THOC2: variants seen among roughly 807,000 people sequenced by gnomAD.
THOC2 encodes THO complex 2.
In THOC2, 10 loss-of-function variants were observed where a neutral mutation model predicts 128.4. The ratio of observed to expected loss-of-function variants is 0.08; its 90% confidence interval spans 0.05 to 0.13. The LOEUF is 0.13. THOC2 is among the 10% of genes least tolerant of loss of function. The pLI is 1.00. For missense variants in THOC2, 535 were observed against 1,155.7 expected, an observed-to-expected ratio of 0.46 and a Z score of 7.79; for synonymous variants, 393 against 396.9, an observed-to-expected ratio of 0.99 and a Z score of 0.12.
intron 1 of THOC2, among the ~76,000 whole-genome samples, chrX:123,713,978 G>A (rs1308431946): frequency 9.0e-6 from 1 of 111,469 alleles, no homozygotes; most frequent in Non-Finnish European, 1.9e-5. Flanking sequence ...GACAACAGAG[G>A]AATATATTAA....
At chrX:123,645,196 C>T (rs2147704928) in intron 13 of THOC2, 138 bp downstream of exon 13, 1 of 467,458 alleles carries the variant, frequency 2.1e-6, no homozygotes, top group Non-Finnish European at 3.4e-6. Context: ...TTGCATATGC[C>T]GCCAAAAACT....
chrX:123,696,821 G>A lies in THOC2; in HGVS notation c.367C>T (p.Leu123=). 3.3e-6 allele frequency: 4 copies of A among 1,195,637 alleles called. No individual in the cohort carries two copies. Among genetic ancestry groups the A allele is most frequent in the Non-Finnish European group, 4.5e-6 (4 of 886,352 alleles). ...ACLYLVSDTV[L]KERLDPETLE... is the part of the protein sequence containing the mutation. ...GTTTCTGGATCCAGGCGTTCCTTTA[G>A]AACTGTGTCTGAAACTAAATACTGT... Residue 123 remains leucine (L), a synonymous_variant, in exon 6 of 39, where the codon CTA becomes TTA. Transcript: ENST00000245838.
chrX:123,652,104 CG>C (rs2048383079), intron 12 of THOC2, among the ~76,000 whole-genome samples: 1 of 111,445 alleles, frequency 9.0e-6, no homozygotes, highest in Admixed American at 9.5e-5. Flanking sequence ...GGCTTCATCC[CG>C]GGGATGCAAG....
intron 29 of THOC2, 67 bp downstream of exon 29, chrX:123,623,038 T>C (rs1404816139): frequency 1.9e-6 from 2 of 1,066,133 alleles, no homozygotes; most frequent in Non-Finnish European, 1.3e-6. Flanking sequence ...ACTCGTTCTG[T>C]GATACAAAAC....
chrX:123,709,232 T>G (rs1320366198), intron 2 of THOC2, among the ~76,000 whole-genome samples: 3 of 112,146 alleles, frequency 2.7e-5, no homozygotes, highest in Non-Finnish European at 5.6e-5. Context: ...CTTATAGTTA[T>G]CTACAAAAAA....
intron 19 of THOC2, among the ~76,000 whole-genome samples, chrX:123,635,147 C>A (rs1248197620): frequency 9.0e-6 from 1 of 110,590 alleles, no homozygotes; most frequent in Non-Finnish European, 1.9e-5. Flanking sequence ...ATATAAGTAC[C>A]AATGAAACAG....
chrX:123,657,621 G>A (rs938918417), intron 12 of THOC2, among the ~76,000 whole-genome samples: 4 of 101,526 alleles, frequency 3.9e-5, no homozygotes, highest in African/African-American at 1.4e-4. Context: ...GCAGAGTGGA[G>A]TGAAAGATTT....
intron 16 of THOC2, among the ~76,000 whole-genome samples, chrX:123,639,384 A>G (rs2047815291): frequency 8.9e-6 from 1 of 111,819 alleles, no homozygotes; most frequent in African/African-American, 3.2e-5. Flanking sequence ...ATCCAAGAGC[A>G]TGGAATGTCT....
intron 25 of THOC2, among the ~76,000 whole-genome samples, chrX:123,624,934 T>C (rs187553636): frequency 9.0e-6 from 1 of 111,611 alleles, no homozygotes; most frequent in Admixed American, 9.6e-5. Context: ...TTTATCATTA[T>C]TATTACATAA....
At chrX:123,731,289 A>G (rs1270351293) in intron 1 of THOC2, among the ~76,000 whole-genome samples, 1 of 111,140 alleles carries the variant, frequency 9.0e-6, no homozygotes, top group Non-Finnish European at 1.9e-5. Context: ...TAATAAACCA[A>G]TAAGCATTCT....
At chrX:123,674,030 T>C (rs889226430) in intron 8 of THOC2, among the ~76,000 whole-genome samples, 2 of 112,184 alleles carry the variant, frequency 1.8e-5, no homozygotes, top group African/African-American at 6.5e-5. Flanking sequence ...CTAAAGAATG[T>C]TCCATGTGCT....
chrX:123,657,565 A>C (rs1340281538), intron 12 of THOC2, among the ~76,000 whole-genome samples: 1 of 110,908 alleles, frequency 9.0e-6, no homozygotes, highest in Non-Finnish European at 1.9e-5. Flanking sequence ...GCTTATGGAG[A>C]AGCAAGGATA....
At position 123,626,798 on chromosome X, in the gene THOC2, AC is replaced by A. The variant is rs2047285193; in HGVS notation, c.2758-137del. The A allele has an allele frequency of 5.6e-6, 3 of 534,037 alleles. No homozygotes were observed. In the Admixed American group the frequency reaches 1.4e-4, roughly 25 times the overall value. 44.0% of individuals were successfully genotyped at this position (534,037 alleles called of 1,213,427 possible). On this transcript the variant is annotated intron_variant, in intron 23 of 38. Coordinates refer to ENST00000245838, the MANE Select transcript of THOC2 (RefSeq NM_001081550.2). ...GAATATAGGTCCACTTGAACGTGCT[AC>A]TTTTATCTCCATTCAACACACTCAT...
rs1239363080 is a variant in THOC2, at chrX:123,732,958, C to T, written c.65G>A (p.Gly22Asp). The T allele has an allele frequency of 2.5e-6, 3 of 1,211,722 alleles. No homozygotes were observed. The Admixed American group carries it at 6.5e-5, about 26-fold the overall frequency. Residue 22 changes from glycine to aspartate, a missense_variant, in exon 1 of 39, where the codon GGC (glycine) becomes GAC (aspartate). Physicochemically the swap from Gly to Asp is moderately conservative, Grantham distance 94. Coordinates refer to ENST00000245838, the MANE Select transcript of THOC2 (RefSeq NM_001081550.2). ...WIKNWEKSGRGEFLHLCRILS... is the reference protein window; with the variant it reads ...WIKNWEKSGRDEFLHLCRILS... ...CTCCGGCCCGAACACTCACAATTCGCCTCTCCCTGATTTCTCCCAGTTCTT... is the reference window on the plus strand; with the variant it reads ...CTCCGGCCCGAACACTCACAATTCGTCTCTCCCTGATTTCTCCCAGTTCTT...
intron 15 of THOC2, among the ~76,000 whole-genome samples, chrX:123,641,275 T>C (rs1029640460): frequency 1.8e-5 from 2 of 112,111 alleles, no homozygotes; most frequent in Admixed American, 1.9e-4. Context: ...TAAATGCCTC[T>C]CCTGAGATGA....
chrX:123,718,956 A>ACT, intron 1 of THOC2, among the ~76,000 whole-genome samples: 3 of 110,511 alleles, frequency 2.7e-5, no homozygotes, highest in Non-Finnish European at 5.7e-5. Flanking sequence ...TGGGCGGATC[A>ACT]TGAGGTCAGG....
chrX:123,699,250 C>T (rs987621129), intron 4 of THOC2, among the ~76,000 whole-genome samples: 6 of 112,133 alleles, frequency 5.4e-5, no homozygotes, highest in Non-Finnish European at 1.1e-4. Context: ...CTACTGCCAA[C>T]ACTAAGAATC....
chrX:123,640,078 T>G (rs1400306158), intron 16 of THOC2, among the ~76,000 whole-genome samples: 2 of 111,345 alleles, frequency 1.8e-5, no homozygotes, highest in Admixed American at 9.5e-5. Context: ...TCCCAGCTAC[T>G]TGGGAGGCTG....
Position 123,732,941 on chromosome X carries a change from C to G in THOC2, c.71+11G>C, listed in dbSNP as rs769457355. The G allele has an allele frequency of 2.2e-5, 26 of 1,208,406 alleles. No homozygotes were observed. The African/African-American group carries it at 3.0e-4, about 14-fold the overall frequency. ...CCCGGCAGTGCGCCTGCCTCCGGCC[C>G]GAACACTCACAATTCGCCTCTCCCT... is the stretch of plus-strand genomic sequence containing the variant. On this transcript the variant is annotated intron_variant, in intron 1 of 38. Coordinates refer to ENST00000245838, the MANE Select transcript of THOC2 (RefSeq NM_001081550.2).
Sources: gnomAD v4.1 joint callset for allele counts (sites outside exome capture counted in the v4.1 genomes callset) on GRCh38, gnomAD v4.1.1 for gene constraint, MANE v1.5 for transcripts, NCBI Gene and HGNC (gene_info 2026-07-23, HGNC 2026-07-21) for gene names.